Variants in TMEM130 observed in about 807,000 individuals in gnomAD.
The protein encoded by TMEM130 is transmembrane protein 130.
TMEM130 carries 37 observed loss-of-function variants against 42.9 expected under a neutral mutation model. That is an observed-to-expected ratio of 0.86 (90% CI 0.66 to 1.13). TMEM130 has a LOEUF of 1.13. Ranked by LOEUF, TMEM130 falls within the 50% of genes most tolerant of loss-of-function variation. The pLI, the probability that TMEM130 is intolerant of heterozygous loss-of-function variation, is 0.00. For missense variants in TMEM130, 545 were observed against 562.6 expected, an observed-to-expected ratio of 0.97 and a Z score of 0.32; for synonymous variants, 259 against 237.7, an observed-to-expected ratio of 1.09 and a Z score of -0.82.
chr7:98,858,357 A>G (rs1554399322), intron 3 of TMEM130, among the ~76,000 whole-genome samples: 1 of 48,874 alleles, frequency 2.0e-5, no homozygotes, highest in East Asian at 7.0e-4. Flanking sequence ...CCTGGCCAAC[A>G]TAGTGAGACC....
chr7:98,856,646 T>C (rs150567042), intron 3 of TMEM130, among the ~76,000 whole-genome samples: 1 of 152,064 alleles, frequency 6.6e-6, no homozygotes, highest in Non-Finnish European at 1.5e-5. Context: ...CACAGGCGTG[T>C]ACCACTGTGC....
intron 6 of TMEM130, among the ~76,000 whole-genome samples, chr7:98,850,273 A>ATATATTTTTTTTTTTTTTTTT: frequency 5.6e-5 from 2 of 35,466 alleles, no homozygotes; most frequent in African/African-American, 7.6e-5. Context: ...ATATATATAT[A>ATATATTTTTTTTTTTTTTTTT]TTTTTTTTTT....
intron 3 of TMEM130, among the ~76,000 whole-genome samples, chr7:98,858,387 T>A (rs1465958542): frequency 6.6e-6 from 1 of 150,468 alleles, no homozygotes; most frequent in Non-Finnish European, 1.5e-5. Flanking sequence ...CAAAACATTT[T>A]AAAAAATAGT....
At chr7:98,855,921 A>C in intron 4 of TMEM130, 96 bp downstream of exon 4, 1 of 1,389,432 alleles carries the variant, frequency 7.2e-7, no homozygotes, top group East Asian at 2.4e-5. Context: ...GCTCCAGAAG[A>C]CAGGGCGTGA....
In TMEM130 at chr7:98,869,785, AC is replaced by A; in HGVS notation, c.76del (p.Val26TrpfsTer22). 2 of 1,417,796 alleles carry A rather than the reference AC, an allele frequency of 1.4e-6. No individual in the cohort carries two copies. The highest frequency in any genetic ancestry group is 9.2e-7 in the Non-Finnish European group (1 of 1,086,376). 87.8% of individuals were successfully genotyped at this position (1,417,796 alleles called of 1,614,324 possible). The part of the protein sequence containing the change: ...ACLLPWAPAG[V>X]AAGLYELNLT... The stretch of plus-strand genomic sequence containing the variant: ...ATTGCCCAGCGCCTTACCTGCGGCC[AC>A]CCCTGCCGGGGCCCAGGGCAGGAGG... On this transcript the variant is annotated frameshift_variant, in exon 1 of 8. Coordinates refer to ENST00000339375, the MANE Select transcript of TMEM130 (RefSeq NM_152913.3). LOFTEE classifies it high-confidence loss of function. This position sits in a 1 kb window ranked among gnomAD's most constrained non-coding sequence, Gnocchi z 4.7.
In TMEM130 at chr7:98,848,601, C is replaced by T. The variant is rs782665906; in HGVS notation, c.1101G>A (p.Gln367=). The change falls in exon 7 of 8, where the codon CAG becomes CAA. Residue 367 remains glutamine (Q), a synonymous_variant. Transcript: ENST00000339375. ...IMYMTLRNAT[Q]QKDMVENPEP... ...TACCCACCTCCACCATGTCCTTTTG[C>T]TGAGTGGCATTCCGCAGGGTCATGT... 2.4e-5 allele frequency: 38 copies of T among 1,612,554 alleles called. No individual in the cohort carries two copies. The highest frequency in any genetic ancestry group is 9.3e-6 in the Non-Finnish European group (11 of 1,178,666).
chr7:98,848,516 TA>T (rs1239596546), intron 7 of TMEM130, 66 bp downstream of exon 7: 2 of 1,162,924 alleles, frequency 1.7e-6, no homozygotes, highest in Admixed American at 3.4e-5. Context: ...CTGGCCCCCA[TA>T]CCCTCTCTAA....
intron 2 of TMEM130, 45 bp downstream of exon 2, chr7:98,863,050 C>T: frequency 6.4e-7 from 1 of 1,570,158 alleles, no homozygotes; most frequent in Non-Finnish European, 8.6e-7. Context: ...TTTTTCTCTG[C>T]ACCAAGGGTT....
At position 98,856,163 on chromosome 7, in the gene TMEM130, T is replaced by A; in HGVS notation, c.572A>T (p.Asp191Val). ...FGDGTQMVTE[D>V]SVVYYNYSII... ...GGAATAGTTATAATAGACCACGGAG[T>A]CTTCAGTCACCATCTGGGTCCTGTT... is the stretch of plus-strand genomic sequence containing the variant. Residue 191 changes from aspartate (D) to valine (V), a missense_variant, in exon 4 of 8, where the codon GAC (aspartate) becomes GTC (valine). Transcript: ENST00000339375. 4 of 1,613,604 alleles carry A rather than the reference T, an allele frequency of 2.5e-6. No individual in the cohort carries two copies. The highest frequency in any genetic ancestry group is 3.4e-6 in the Non-Finnish European group (4 of 1,179,940).
chr7:98,869,699 G>T lies in TMEM130; in HGVS notation c.85+78C>A, dbSNP rs1404621552. On this transcript the variant is annotated intron_variant, in intron 1 of 7. Transcript: ENST00000339375. The surrounding 1 kb of genome is among the most constrained non-coding windows in gnomAD (Gnocchi z 4.7). ...CCACCTCCGCAATCCCTGCTCCCGG[G>T]CCCACTCGCCCGCTGAGACGGTTCC... 4 of 1,089,404 alleles carry T rather than the reference G, an allele frequency of 3.7e-6. No individual in the cohort carries two copies. The highest frequency in any genetic ancestry group is 1.7e-5 in the African/African-American group (1 of 60,480). 67.5% of individuals were successfully genotyped at this position (1,089,404 alleles called of 1,614,324 possible).
At chr7:98,860,019 A>G (rs886634725) in intron 3 of TMEM130, among the ~76,000 whole-genome samples, 160 bp downstream of exon 3, 2 of 151,902 alleles carry the variant, frequency 1.3e-5, no homozygotes, top group East Asian at 3.9e-4. Flanking sequence ...CAGTGAGCCA[A>G]GATGGTACTA....
At chr7:98,855,591 G>C (rs552664013) in intron 4 of TMEM130, among the ~76,000 whole-genome samples, 2 of 152,222 alleles carry the variant, frequency 1.3e-5, no homozygotes, top group Non-Finnish European at 2.9e-5. Flanking sequence ...TGTCACACAG[G>C]AGAGCACCAT....
intron 3 of TMEM130, among the ~76,000 whole-genome samples, chr7:98,856,908 C>A (rs184481326): frequency 2.0e-5 from 3 of 149,232 alleles, no homozygotes; most frequent in Admixed American, 1.3e-4. Context: ...CTCTCTCTCC[C>A]TTTTTTTTTT....
rs1196991163 is a variant in TMEM130, at chr7:98,851,416, C to T, written c.1006+5G>A. 6.2e-7 allele frequency: 1 copy of T among 1,614,012 alleles called. No homozygotes were observed. Among genetic ancestry groups the T allele is most frequent in the Non-Finnish European group, 8.5e-7 (1 of 1,179,966 alleles). On this transcript the variant is annotated splice_donor_5th_base_variant and intron_variant, in intron 6 of 7. Coordinates refer to ENST00000339375, the MANE Select transcript of TMEM130 (RefSeq NM_152913.3). ...CACTGGAGCAGAAGGCGAGGTGTCACTTACTGGAGGGCCACACCTGGATCT... is the reference window on the plus strand; with the variant it reads ...CACTGGAGCAGAAGGCGAGGTGTCATTTACTGGAGGGCCACACCTGGATCT...
intron 1 of TMEM130, among the ~76,000 whole-genome samples, chr7:98,868,613 G>A (rs1794961269): frequency 6.6e-6 from 1 of 152,186 alleles, no homozygotes; most frequent in African/African-American, 2.4e-5. Context: ...CCAGAAAGGG[G>A]AAGGGTAGAA....
At chr7:98,854,905 G>A (rs117872317) in intron 5 of TMEM130, among the ~76,000 whole-genome samples, 4,218 of 152,216 alleles carry the variant, frequency 0.028, 86 homozygotes, top group South Asian at 0.054. Flanking sequence ...GCATCGTGGA[G>A]TGCACCTGTA....
At chr7:98,849,781 G>GT (rs1794445599) in intron 6 of TMEM130, among the ~76,000 whole-genome samples, 1 of 152,162 alleles carries the variant, frequency 6.6e-6, no homozygotes, top group South Asian at 2.1e-4. Flanking sequence ...ATCCAGTCTT[G>GT]TTGCCTCCCT....
At chr7:98,851,194 T>C (rs1227700042) in intron 6 of TMEM130, among the ~76,000 whole-genome samples, 1 of 152,074 alleles carries the variant, frequency 6.6e-6, no homozygotes, top group Non-Finnish European at 1.5e-5. Flanking sequence ...CAGAGTTGGT[T>C]GCTGGTGGGA....
chr7:98,856,389 G>A (rs901105066), intron 3 of TMEM130, among the ~76,000 whole-genome samples: 2 of 152,218 alleles, frequency 1.3e-5, no homozygotes, highest in East Asian at 1.9e-4. Context: ...TGAGCAAACC[G>A]AGGCCAGAGA....
Sources: allele counts gnomAD v4.1 joint callset (sites outside exome capture counted in the v4.1 genomes callset), GRCh38; gene constraint gnomAD v4.1.1; non-coding constraint Gnocchi (gnomAD v3.1); transcripts MANE v1.5; gene names NCBI Gene and HGNC (gene_info 2026-07-23, HGNC 2026-07-21).